WWOX: variants seen among roughly 807,000 people sequenced by gnomAD.
WWOX encodes the protein WW domain-containing oxidoreductase.
Under a neutral mutation model 46.2 loss-of-function variants are expected in WWOX, and 69 were observed. That is an observed-to-expected ratio of 1.49 (90% CI 1.23 to 1.82). The LOEUF is 1.82. Ranked by LOEUF, WWOX falls within the 40% of genes most tolerant of loss-of-function variation. The pLI is 0.00. For missense variants in WWOX, 919 were observed against 542.6 expected, an observed-to-expected ratio of 1.69 and a Z score of -6.89; for synonymous variants, 359 against 202.6, an observed-to-expected ratio of 1.77 and a Z score of -6.56.
At chr16:78,973,624 A>C (rs533607326) in intron 8 of WWOX, among the ~76,000 whole-genome samples, 17 of 152,022 alleles carry the variant, frequency 1.1e-4, no homozygotes, top group African/African-American at 3.9e-4. Flanking sequence ...GACCAACTTC[A>C]GGGTTTTATT....
At chr16:79,019,981 T>C (rs1452739992) in intron 8 of WWOX, among the ~76,000 whole-genome samples, 1 of 152,224 alleles carries the variant, frequency 6.6e-6, no homozygotes, top group Non-Finnish European at 1.5e-5. Context: ...CTCTCACTTC[T>C]CTACTAATCC....
intron 8 of WWOX, among the ~76,000 whole-genome samples, chr16:78,727,835 A>G (rs1394472954): frequency 2.6e-5 from 4 of 151,982 alleles, no homozygotes; most frequent in Non-Finnish European, 5.9e-5. Flanking sequence ...CTTGCTCTAC[A>G]TCAGTGCTTC....
intron 5 of WWOX, among the ~76,000 whole-genome samples, chr16:78,317,469 A>G (rs960810792): frequency 1.3e-5 from 2 of 152,130 alleles, no homozygotes; most frequent in Non-Finnish European, 2.9e-5. Flanking sequence ...CCCGTCCCCA[A>G]ATGTCAACAG....
chr16:78,413,195 C>G (rs750436235), intron 6 of WWOX, among the ~76,000 whole-genome samples: 12 of 152,136 alleles, frequency 7.9e-5, no homozygotes, highest in African/African-American at 1.7e-4. Context: ...TCAATCTCCC[C>G]GAGAATTCAG....
At chr16:78,508,213 G>A (rs978211066) in intron 8 of WWOX, among the ~76,000 whole-genome samples, 2 of 151,478 alleles carry the variant, frequency 1.3e-5, no homozygotes, top group African/African-American at 4.9e-5. Context: ...GTTTCGCCAT[G>A]TTGGCCGGGC....
At chr16:78,354,704 A>T (rs1171619115) in intron 5 of WWOX, among the ~76,000 whole-genome samples, 2 of 67,750 alleles carry the variant, frequency 3.0e-5, no homozygotes, top group East Asian at 4.3e-4. Context: ...TAAACTAGGT[A>T]AACTGTTTTG....
intron 8 of WWOX, among the ~76,000 whole-genome samples, chr16:78,849,353 C>A (rs561140120): frequency 2.0e-5 from 3 of 151,750 alleles, no homozygotes; most frequent in South Asian, 4.2e-4. Flanking sequence ...GGGGGGATCA[C>A]GAGGTCGGGA....
At chr16:78,815,050 C>T (rs577953136) in intron 8 of WWOX, among the ~76,000 whole-genome samples, 7 of 152,324 alleles carry the variant, frequency 4.6e-5, no homozygotes, top group Admixed American at 4.6e-4. Flanking sequence ...CCAGGCCGGG[C>T]ACAGTGGCTC....
rs374209099 is a variant in WWOX at position 78,702,089 on chromosome 16, T to C, written c.1056+269337T>C. On this transcript the variant is annotated intron_variant, in intron 8 of 8. Transcript: ENST00000566780. ...ATATATATATAAAGTTTTATATTTA[T>C]ATCTATAAAGTTATATATATATATA... is the stretch of plus-strand genomic sequence containing the variant. Among the ~76,000 whole-genome samples, 411 of 103,532 alleles carry C rather than the reference T, an allele frequency of 4.0e-3. 7 individuals carry two copies. The highest frequency in any genetic ancestry group is 0.02 in the South Asian group (54 of 2,700). The allele number at this position is 103,532 out of a possible 152,430, so 67.9% of individuals were successfully genotyped here.
chr16:78,519,805 C>T (rs547311405), intron 8 of WWOX, among the ~76,000 whole-genome samples: 4 of 152,186 alleles, frequency 2.6e-5, no homozygotes, highest in Non-Finnish European at 2.9e-5. Flanking sequence ...AACACCACAT[C>T]TACTGGCCCC....
chr16:79,008,888 G>A (rs1457320150), intron 8 of WWOX, among the ~76,000 whole-genome samples: 3 of 84,662 alleles, frequency 3.5e-5, no homozygotes, highest in East Asian at 7.9e-4. Flanking sequence ...TGTATAATGA[G>A]CAGCGCACAC....
intron 8 of WWOX, among the ~76,000 whole-genome samples, chr16:78,659,812 G>C (rs191449852): frequency 4.3e-4 from 66 of 152,190 alleles, no homozygotes; most frequent in African/African-American, 1.5e-3. Flanking sequence ...TTTTTTACAA[G>C]TCACTCTTAC....
At chr16:78,338,729 T>C (rs13338036) in intron 5 of WWOX, among the ~76,000 whole-genome samples, 13,604 of 121,290 alleles carry the variant, frequency 0.11, 4,241 homozygotes, top group African/African-American at 0.33. Context: ...TCTACATGTT[T>C]ACAAGTTACC....
At chr16:78,336,525 A>G (rs79671289) in intron 5 of WWOX, among the ~76,000 whole-genome samples, 1 of 147,814 alleles carries the variant, frequency 6.8e-6, no homozygotes, top group Non-Finnish European at 1.5e-5. Flanking sequence ...AAAAAAAAAA[A>G]GCCTACAGTT....
chr16:78,400,937 C>G (rs1346370292), intron 6 of WWOX, among the ~76,000 whole-genome samples: 1 of 152,232 alleles, frequency 6.6e-6, no homozygotes, highest in Non-Finnish European at 1.5e-5. Context: ...GATCCTTCCA[C>G]TCAGCCTCCT....
chr16:78,169,778 G>A (rs942246503), intron 5 of WWOX, among the ~76,000 whole-genome samples: 4 of 152,250 alleles, frequency 2.6e-5, no homozygotes, highest in African/African-American at 9.6e-5. Context: ...AAGGGATGAG[G>A]CTGAGGCTGG....
At chr16:78,574,059 C>A (rs532939909) in intron 8 of WWOX, among the ~76,000 whole-genome samples, 1 of 152,276 alleles carries the variant, frequency 6.6e-6, no homozygotes, top group South Asian at 2.1e-4. Context: ...TTCCTTGTAG[C>A]TTTTTGACTC....
rs188144549 is a variant in WWOX at position 79,079,530 on chromosome 16, C to G, written c.1057-132078C>G. 2.8e-4 allele frequency among the ~76,000 whole-genome samples: 43 copies of G among 152,272 alleles called. No homozygotes were observed. The East Asian group carries it at 7.3e-3, about 26-fold the overall frequency. Reference sequence around the variant, plus strand: ...TGTTACATTCTTGAACCATATGTTTCCCATTGTTTGCACTTCCCCTAGTCA... The same window carrying G: ...TGTTACATTCTTGAACCATATGTTTGCCATTGTTTGCACTTCCCCTAGTCA... On this transcript the variant is annotated intron_variant, in intron 8 of 8. Coordinates refer to ENST00000566780, the MANE Select transcript of WWOX (RefSeq NM_016373.4).
intron 8 of WWOX, among the ~76,000 whole-genome samples, chr16:78,808,399 C>G (rs1272756552): frequency 1.3e-5 from 2 of 152,176 alleles, no homozygotes; most frequent in Non-Finnish European, 2.9e-5. Flanking sequence ...AAATAATTTT[C>G]AAATATGGGT....
Sources: allele counts gnomAD v4.1 joint callset (sites outside exome capture counted in the v4.1 genomes callset), GRCh38; gene constraint gnomAD v4.1.1; transcripts MANE v1.5; gene names NCBI Gene and HGNC (gene_info 2026-07-23, HGNC 2026-07-21).